The following CNTN1 variants were observed in gnomAD, a reference collection of about 807,000 sequenced individuals.
The protein encoded by CNTN1 is contactin-1.
CNTN1 carries 38 observed loss-of-function variants against 126.4 expected under a neutral mutation model. The ratio of observed to expected loss-of-function variants is 0.30; its 90% CI spans 0.23 to 0.39. CNTN1 has a LOEUF of 0.39. CNTN1 is among the 10% of genes least tolerant of loss of function. The pLI, the probability that CNTN1 is intolerant of heterozygous loss-of-function variation, is 1.00. For synonymous variants in CNTN1, 413 were observed against 422.6 expected (o/e 0.98, Z 0.28); for missense variants, 1,009 against 1,248.4 (o/e 0.81, Z 2.89).
intron 12 of CNTN1, 105 bp downstream of exon 12, chr12:40,939,590 T>A (rs1565994719): frequency 3.6e-6 from 3 of 824,368 alleles, no homozygotes; most frequent in Admixed American, 6.4e-5. Flanking sequence ...TTGCTCTGAA[T>A]TTTTTTTTTC....
intron 1 of CNTN1, among the ~76,000 whole-genome samples, chr12:40,744,771 G>T (rs115455848): frequency 2.0e-5 from 3 of 152,198 alleles, no homozygotes; most frequent in Non-Finnish European, 2.9e-5. Context: ...AGGAGAAATT[G>T]CTAATGATAG....
intron 1 of CNTN1, among the ~76,000 whole-genome samples, chr12:40,759,677 C>T (rs1286804044): frequency 1.3e-5 from 2 of 151,796 alleles, no homozygotes; most frequent in Admixed American, 6.6e-5. Context: ...CTGTGTTGCC[C>T]AGGCTGGTCT....
chr12:40,823,024 T>TAA, intron 1 of CNTN1, among the ~76,000 whole-genome samples: 1 of 152,308 alleles, frequency 6.6e-6, no homozygotes, highest in African/African-American at 2.4e-5. Context: ...AGTCTTGGTA[T>TAA]AATGATGTAA....
intron 17 of CNTN1, among the ~76,000 whole-genome samples, chr12:41,004,245 A>G (rs1214176854): frequency 3.9e-5 from 6 of 152,074 alleles, no homozygotes; most frequent in Non-Finnish European, 5.9e-5. Flanking sequence ...ATGTGATTGT[A>G]TGGTGTTGAG....
chr12:40,731,303 T>C (rs1457677541), intron 1 of CNTN1, among the ~76,000 whole-genome samples: 2 of 151,954 alleles, frequency 1.3e-5, no homozygotes, highest in Non-Finnish European at 2.9e-5. Context: ...GCAAATACTA[T>C]GACAATTCTA....
chr12:40,995,008 T>C (rs1487481678), intron 17 of CNTN1, among the ~76,000 whole-genome samples: 1 of 152,054 alleles, frequency 6.6e-6, no homozygotes, highest in African/African-American at 2.4e-5. Context: ...TATTGCCCAT[T>C]AATGAACATG....
chr12:40,756,132 T>C (rs1938600988), intron 1 of CNTN1, among the ~76,000 whole-genome samples: 1 of 152,092 alleles, frequency 6.6e-6, no homozygotes, highest in East Asian at 1.9e-4. Flanking sequence ...AAGGGAGTTT[T>C]ATATAATGAA....
intron 1 of CNTN1, among the ~76,000 whole-genome samples, chr12:40,845,177 A>G (rs1161272497): frequency 6.6e-6 from 1 of 152,228 alleles, no homozygotes; most frequent in Non-Finnish European, 1.5e-5. Flanking sequence ...TTATATTATT[A>G]AAAACAGAAA....
At chr12:40,927,229 T>C (rs1206843049) in intron 6 of CNTN1, among the ~76,000 whole-genome samples, 1 of 152,076 alleles carries the variant, frequency 6.6e-6, no homozygotes, top group East Asian at 1.9e-4. Context: ...TTTAATCCAG[T>C]CTATAATCCG....
intron 7 of CNTN1, among the ~76,000 whole-genome samples, chr12:40,932,620 A>G (rs927018948): frequency 3.3e-5 from 5 of 151,576 alleles, no homozygotes; most frequent in Non-Finnish European, 7.4e-5. Flanking sequence ...TTCCTTGCAC[A>G]CTCCTGGAGC....
intron 1 of CNTN1, among the ~76,000 whole-genome samples, chr12:40,838,040 C>T (rs886787588): frequency 1.3e-5 from 2 of 152,130 alleles, no homozygotes; most frequent in African/African-American, 4.8e-5. Context: ...CTGAGGATTA[C>T]CCTACCCCAC....
At chr12:40,707,803 T>G (rs2121148984) in intron 1 of CNTN1, among the ~76,000 whole-genome samples, 1 of 152,334 alleles carries the variant, frequency 6.6e-6, no homozygotes, top group South Asian at 2.1e-4. Context: ...GTTTCTTGGG[T>G]GGCCATTGGA....
At chr12:41,057,511 C>A (rs1027444565) in intron 23 of CNTN1, among the ~76,000 whole-genome samples, 1 of 151,912 alleles carries the variant, frequency 6.6e-6, no homozygotes, top group African/African-American at 2.4e-5. Flanking sequence ...CTATGGCTAG[C>A]TAACAATGTA....
At chr12:40,742,138 A>G (rs532316213) in intron 1 of CNTN1, among the ~76,000 whole-genome samples, 16 of 152,078 alleles carry the variant, frequency 1.1e-4, no homozygotes, top group Non-Finnish European at 2.4e-4. Flanking sequence ...AGTACTTAAA[A>G]TATAACCCGT....
chr12:40,769,665 G>A (rs923617296), intron 1 of CNTN1, among the ~76,000 whole-genome samples: 3 of 151,988 alleles, frequency 2.0e-5, no homozygotes, highest in Non-Finnish European at 4.4e-5. Context: ...ATGAATTTTT[G>A]CATCAATTTT....
intron 23 of CNTN1, among the ~76,000 whole-genome samples, chr12:41,034,958 C>T (rs1351515281): frequency 2.0e-5 from 3 of 152,192 alleles, no homozygotes; most frequent in Non-Finnish European, 4.4e-5. Flanking sequence ...AGTTGTTGGA[C>T]AACTCCCAGC....
At position 41,053,428 on chromosome 12, in the gene CNTN1, A is replaced by AATATATATATATATATATATATAT. The variant is rs66808071; in HGVS notation, c.2981-16514_2981-16491dup. On this transcript the variant is annotated intron_variant, in intron 23 of 23. Transcript: ENST00000551295. ...TTTTGTCTCTTTCATGTTTTCACTA[A>AATATATATATATATATATATATAT]ATATATATATATATATATATATATA... 3.0e-4 allele frequency among the ~76,000 whole-genome samples: 19 copies of AATATATATATATATATATATATAT among 64,104 alleles called. 1 individual carries two copies. Among genetic ancestry groups the AATATATATATATATATATATATAT allele is most frequent in the African/African-American group, 6.8e-4 (9 of 13,270 alleles). The allele number at this position is 64,104 out of a possible 152,430, so 42.1% of individuals were successfully genotyped here. A position where few individuals can be genotyped will look rare whatever the true frequency, so the allele number is the denominator to read the frequency against.
chr12:40,971,945 A>G, intron 15 of CNTN1: 1 of 1,019,352 alleles, frequency 9.8e-7, no homozygotes, highest in Non-Finnish European at 1.2e-6. Context: ...CTAATGAGAC[A>G]TCATAATTAG....
At chr12:40,955,970 C>T (rs1404110622) in intron 14 of CNTN1, among the ~76,000 whole-genome samples, 1 of 151,968 alleles carries the variant, frequency 6.6e-6, no homozygotes, top group Admixed American at 6.6e-5. Context: ...GGCTGGGGCA[C>T]AGGAGTTAGG....
Sources: gnomAD v4.1 joint callset for allele counts (sites outside exome capture counted in the v4.1 genomes callset) on GRCh38, gnomAD v4.1.1 for gene constraint, MANE v1.5 for transcripts, NCBI Gene and HGNC (gene_info 2026-07-23, HGNC 2026-07-21) for gene names.